ADAMDEC1: variants seen among roughly 807,000 people sequenced by gnomAD.
The protein encoded by ADAMDEC1 is ADAM like decysin 1, also known as ADAM DEC1.
Under a neutral mutation model 60.4 loss-of-function variants are expected in ADAMDEC1, and 62 were observed. That is an observed-to-expected ratio of 1.03 (90% CI 0.84 to 1.27). The LOEUF (loss-of-function observed/expected upper bound fraction) is 1.27. Ranked by LOEUF, ADAMDEC1 falls within the 50% of genes most tolerant of loss-of-function variation. The pLI is 0.00. For missense variants in ADAMDEC1, 595 were observed against 565.0 expected, an observed-to-expected ratio of 1.05 and a Z score of -0.54; for synonymous variants, 210 against 195.1, an observed-to-expected ratio of 1.08 and a Z score of -0.64.
intron 1 of ADAMDEC1, chr8:24,390,259 C>T: frequency 2.0e-6 from 2 of 986,172 alleles, no homozygotes; most frequent in Non-Finnish European, 2.6e-6. Flanking sequence ...AATACGTTTA[C>T]ATTATTTTTT....
intron 2 of ADAMDEC1, among the ~76,000 whole-genome samples, chr8:24,392,769 T>A (rs945262664): frequency 3.3e-5 from 5 of 152,076 alleles, no homozygotes; most frequent in Non-Finnish European, 7.3e-5. Flanking sequence ...AAATTTTATA[T>A]CAGTAGTTAA....
chr8:24,402,184 C>A, intron 12 of ADAMDEC1, 92 bp downstream of exon 12: 2 of 1,190,620 alleles, frequency 1.7e-6, no homozygotes, highest in Non-Finnish European at 1.2e-6. Context: ...TAAAGACAAA[C>A]TTGGCATCGT....
intron 5 of ADAMDEC1, 77 bp downstream of exon 5, chr8:24,395,873 T>C: frequency 8.6e-7 from 1 of 1,164,414 alleles, no homozygotes; most frequent in Admixed American, 2.1e-5. Flanking sequence ...AGATATTGTC[T>C]TCTTACTATT....
chr8:24,386,150 C>T (rs764589398), intron 1 of ADAMDEC1, among the ~76,000 whole-genome samples: 7 of 152,018 alleles, frequency 4.6e-5, no homozygotes, highest in South Asian at 2.1e-4. Flanking sequence ...TTAAACATTC[C>T]TCCCTATTAC....
At chr8:24,405,245 A>G in intron 13 of ADAMDEC1, 47 bp from the exon 14 acceptor site, 1 of 1,572,640 alleles carries the variant, frequency 6.4e-7, no homozygotes, top group South Asian at 1.1e-5. Context: ...AATATTTTGT[A>G]ACTTGTAATA....
chr8:24,399,149 C>A, intron 9 of ADAMDEC1, 109 bp downstream of exon 9: 2 of 1,297,528 alleles, frequency 1.5e-6, no homozygotes, highest in Non-Finnish European at 2.1e-6. Context: ...TGTCAGAGTG[C>A]TTGACATTTT....
chr8:24,402,959 G>T (rs1389419276), intron 12 of ADAMDEC1, among the ~76,000 whole-genome samples: 2 of 152,054 alleles, frequency 1.3e-5, no homozygotes, highest in African/African-American at 4.8e-5. Flanking sequence ...GTTCTTACTT[G>T]CTTACATTCA....
chr8:24,392,372 G>A lies in ADAMDEC1; in HGVS notation c.199G>A (p.Gly67Ser). 6.2e-7 allele frequency: 1 copy of A among 1,606,134 alleles called. No homozygotes were observed. Among genetic ancestry groups the A allele is most frequent in the Middle Eastern group, 1.7e-4 (1 of 6,022 alleles). Residue 67 changes from glycine (G) to serine (S), a missense_variant, in exon 2 of 14, where the codon GGC (glycine) becomes AGC (serine). Transcript: ENST00000256412. ...CAAGAACAACCAGACAGAAAAGCAT[G>A]GCAAAGAGGTAAGCAAGGTGAATGA... ...EIKNNQTEKH[G>S]KEERYEPEVQ...
intron 1 of ADAMDEC1, among the ~76,000 whole-genome samples, chr8:24,388,630 C>T (rs553755911): frequency 2.4e-4 from 37 of 152,182 alleles, no homozygotes; most frequent in Non-Finnish European, 4.3e-4. Context: ...GCTTGATACT[C>T]TTTTCTTTTG....
intron 6 of ADAMDEC1, 73 bp from the exon 7 acceptor site, chr8:24,397,610 A>C (rs1817649097): frequency 6.7e-7 from 1 of 1,502,254 alleles, no homozygotes; most frequent in Non-Finnish European, 9.1e-7. Flanking sequence ...TAGGAAAACA[A>C]GTCTCCTTTT....
At chr8:24,398,654 C>T in intron 8 of ADAMDEC1, 103 bp downstream of exon 8, 1 of 1,032,880 alleles carries the variant, frequency 9.7e-7, no homozygotes, top group South Asian at 1.6e-5. Flanking sequence ...TCCCAAATGT[C>T]TTAAGTTAAA....
intron 2 of ADAMDEC1, 31 bp downstream of exon 2, chr8:24,392,411 T>C: frequency 1.3e-6 from 2 of 1,485,466 alleles, no homozygotes; most frequent in Non-Finnish European, 1.9e-6. Context: ...TGGTAGATGT[T>C]ACAATCATCC....
Position 24,394,048 on chromosome 8 carries a change from G to A in ADAMDEC1, c.285-21G>A, listed in dbSNP as rs756564073. ...TTTCTTACCATCCTGAGTGGTCCAT[G>A]CAGCTCTCTGCTCTCTACAGGCACC... On this transcript the variant is annotated intron_variant, in intron 3 of 13. Transcript: ENST00000256412. 15 of 1,573,390 alleles carry A rather than the reference G, an allele frequency of 9.5e-6. No homozygotes were observed. The South Asian group carries it at 1.6e-4, about 16-fold the overall frequency.
In ADAMDEC1 at chr8:24,397,476, C is replaced by G; in HGVS notation, c.627+20C>G. 3 of 1,607,782 alleles carry G rather than the reference C, an allele frequency of 1.9e-6. No individual in the cohort carries two copies. Among genetic ancestry groups the G allele is most frequent in the Non-Finnish European group, 1.7e-6 (2 of 1,178,252 alleles). ...CCAGAGGTGAATACAATTCCCTTAC[C>G]TCATCATTTACTTCAATTGTCTCAG... On this transcript the variant is annotated intron_variant, in intron 6 of 13. Transcript: ENST00000256412.
intron 1 of ADAMDEC1, chr8:24,390,047 TATA>T (rs886683255): frequency 2.0e-5 from 8 of 407,714 alleles, no homozygotes; most frequent in Non-Finnish European, 3.9e-5. Flanking sequence ...ACATACATAA[TATA>T]ATATCATTTC....
At chr8:24,384,723 T>A in intron 1 of ADAMDEC1, 131 bp downstream of exon 1, 3 of 796,542 alleles carry the variant, frequency 3.8e-6, no homozygotes, top group Non-Finnish European at 5.8e-6. Context: ...TTGGTAGATT[T>A]TCTACCTCTC....
intron 1 of ADAMDEC1, among the ~76,000 whole-genome samples, chr8:24,389,614 T>C (rs1222013621): frequency 6.6e-6 from 1 of 152,290 alleles, no homozygotes; most frequent in East Asian, 1.9e-4. Flanking sequence ...GTGGCCCCCA[T>C]TTCACACAGA....
intron 11 of ADAMDEC1, among the ~76,000 whole-genome samples, chr8:24,401,529 C>T (rs1321826651): frequency 6.6e-6 from 1 of 152,124 alleles, no homozygotes; most frequent in Admixed American, 6.6e-5. Context: ...CAGAAGCCTG[C>T]AACTACTTCC....
chr8:24,400,021 A>T, intron 10 of ADAMDEC1, 149 bp from the exon 11 acceptor site: 2 of 594,026 alleles, frequency 3.4e-6, no homozygotes, highest in Non-Finnish European at 5.4e-6. Flanking sequence ...CAACCACTTT[A>T]AATGCTCTTT....
Sources: allele counts gnomAD v4.1 joint callset (sites outside exome capture counted in the v4.1 genomes callset), GRCh38; gene constraint gnomAD v4.1.1; transcripts MANE v1.5; gene names NCBI Gene and HGNC (gene_info 2026-07-23, HGNC 2026-07-21).